Variants in SALL1 observed in about 807,000 individuals in gnomAD.
The protein encoded by SALL1 is spalt like transcription factor 1, also known as sal-like protein 1.
SALL1 carries 10 observed loss-of-function variants against 73.1 expected under a neutral mutation model. The ratio of observed to expected loss-of-function variants is 0.14; its 90% CI spans 0.08 to 0.23. The LOEUF is 0.23. Ranked by LOEUF, SALL1 falls within the 10% of genes least tolerant of loss-of-function variation. The pLI is 1.00. For missense variants in SALL1, 1,520 were observed against 1,697.3 expected (o/e 0.90, Z 1.84); for synonymous variants, 688 against 689.8 (o/e 1.00, Z 0.04).
intron 1 of SALL1, chr16:51,143,330 A>G: frequency 2.3e-6 from 1 of 430,930 alleles, no homozygotes; most frequent in Non-Finnish European, 4.7e-6. Flanking sequence ...ATTCAAAGAC[A>G]GGATGGCTTC....
At chr16:51,143,245 G>T in intron 1 of SALL1, 1 of 284,922 alleles carries the variant, frequency 3.5e-6, no homozygotes, top group Non-Finnish European at 7.3e-6. Flanking sequence ...GTTTCCATTG[G>T]TTGCTCAGAT....
Position 51,137,025 on chromosome 16 carries a change from G to A in SALL1, c.*87C>T, listed in dbSNP as rs572758476. ...GATCTGGGGAACAGAAGGAAGGGGC[G>A]GGGCGGGGTGGGGGGCAAGGAGTAG... On this transcript the variant is annotated 3_prime_UTR_variant, in exon 3 of 3. Transcript: ENST00000251020. 116 of 1,169,404 alleles carry A rather than the reference G, an allele frequency of 9.9e-5. No individual in the cohort carries two copies. The highest frequency in any genetic ancestry group is 9.1e-4 in the South Asian group (70 of 76,892). The allele number at this position is 1,169,404 out of a possible 1,614,324, so 72.4% of individuals were successfully genotyped here.
Position 51,136,190 on chromosome 16 carries a change from A to C in SALL1, c.*922T>G, listed in dbSNP as rs184690178. 3.5e-4 allele frequency: 54 copies of C among 152,758 alleles called. No homozygotes were observed. In the East Asian group the frequency reaches 5.8e-3, roughly 16 times the overall value. 9.5% of individuals were successfully genotyped at this position (152,758 alleles called of 1,614,324 possible). ...TATACCTGCTCTCTTGATCAAGAAG[A>C]AGCATTTGCTCTTGTAAGGAACATA... On this transcript the variant is annotated 3_prime_UTR_variant, in exon 3 of 3. Coordinates refer to ENST00000251020, the MANE Select transcript of SALL1 (RefSeq NM_002968.3).
intron 1 of SALL1, among the ~76,000 whole-genome samples, chr16:51,145,139 T>C (rs1041369497): frequency 6.6e-6 from 1 of 151,012 alleles, no homozygotes; most frequent in African/African-American, 2.4e-5. Context: ...AGTTGGACTC[T>C]TTACCAAAGG....
At chr16:51,151,851 G>C (rs564589083), upstream of SALL1, among the ~76,000 whole-genome samples, 1 of 151,202 alleles carries the variant, frequency 6.6e-6, no homozygotes, top group Admixed American at 6.6e-5. Context: ...CTGGGGACCC[G>C]GGCTGCCGGC....
intron 1 of SALL1, chr16:51,150,932 G>A: frequency 2.5e-6 from 1 of 403,088 alleles, no homozygotes; most frequent in South Asian, 8.4e-5. Context: ...CAACAACTCC[G>A]GAAAGATCCT....
rs745948182 is a variant in SALL1 at position 51,138,669 on chromosome 16, T to G, written c.3534+19A>C. On this transcript the variant is annotated intron_variant, in intron 2 of 2. Transcript: ENST00000251020. ...GACAGGGTTGATGGAGCAGGTATGGTGCAGAGAGAGCAAGGTACCTTAAGA... is the reference window on the plus strand; with the variant it reads ...GACAGGGTTGATGGAGCAGGTATGGGGCAGAGAGAGCAAGGTACCTTAAGA... 1 of 1,603,568 alleles carries G rather than the reference T, an allele frequency of 6.2e-7. No homozygotes were observed. The highest frequency in any genetic ancestry group is 8.5e-7 in the Non-Finnish European group (1 of 1,174,466).
Position 51,141,786 on chromosome 16 carries a change from T to C in SALL1, c.436A>G (p.Ser146Gly), listed in dbSNP as rs376786894. 6.2e-7 allele frequency: 1 copy of C among 1,612,790 alleles called. No individual in the cohort carries two copies. The highest frequency in any genetic ancestry group is 1.3e-5 in the African/African-American group (1 of 74,736). Residue 146 changes from serine to glycine, a missense_variant, in exon 2 of 3, where the codon AGT becomes GGT. This residue lies in a region of SALL1 where 540 missense variants were observed against 567.5 expected (regional missense o/e 0.95). Transcript: ENST00000251020. The surrounding 1 kb of genome is among the most constrained non-coding windows in gnomAD (Gnocchi z 5.4). Reference protein sequence around the residue: ...GSGTSSGSHSSTAPSSSSSSS... With the variant: ...GSGTSSGSHSGTAPSSSSSSS... ...CTGCTGCTGCTGCTTGGGGCGGTAC[T>C]GCTGTGGCTGCCGCTGGAAGTGCCG... is the stretch of plus-strand genomic sequence containing the variant.
chr16:51,139,622 T>C lies in SALL1; in HGVS notation c.2600A>G (p.Glu867Gly). ...PLEMSSIAALENQMKMINAGL... is the reference protein window; with the variant it reads ...PLEMSSIAALGNQMKMINAGL... ...AGCATTGATCATCTTCATCTGATTT[T>C]CCAAAGCAGCGATGCTCGACATCTC... Residue 867 changes from glutamate (E) to glycine (G), a missense_variant, in exon 2 of 3, where the codon GAA (glutamate) becomes GGA (glycine). By Grantham distance (98) the Glu-to-Gly change is moderately conservative. Transcript: ENST00000251020. The C allele has an allele frequency of 6.2e-7, 1 of 1,613,562 alleles. No homozygotes were observed. The highest frequency in any genetic ancestry group is 2.2e-5 in the East Asian group (1 of 44,870).
At chr16:51,144,558 T>C (rs1597233124) in intron 1 of SALL1, among the ~76,000 whole-genome samples, 1 of 152,340 alleles carries the variant, frequency 6.6e-6, no homozygotes, top group East Asian at 1.9e-4. Context: ...TACAATGTAG[T>C]TGCTTCAAAT....
intron 1 of SALL1, among the ~76,000 whole-genome samples, chr16:51,148,487 A>G (rs1962549527): frequency 6.6e-6 from 1 of 152,252 alleles, no homozygotes; most frequent in Non-Finnish European, 1.5e-5. Flanking sequence ...AATGTTTGAA[A>G]AGGGGCTTGC....
In SALL1 at chr16:51,139,134, T is replaced by A; in HGVS notation, c.3088A>T (p.Ile1030Phe). 2 of 1,614,222 alleles carry A rather than the reference T, an allele frequency of 1.2e-6. No homozygotes were observed. Among genetic ancestry groups the A allele is most frequent in the Non-Finnish European group, 1.7e-6 (2 of 1,180,032 alleles). Residue 1030 changes from isoleucine (I) to phenylalanine (F), a missense_variant, in exon 2 of 3, where the codon ATT (isoleucine) becomes TTT (phenylalanine). Physicochemically the swap from Ile to Phe is conservative, Grantham distance 21 (BLOSUM62 0). Around this residue, in one of 7 missense-constraint regions of SALL1, gnomAD observed 22 missense variants for 52.0 expected, o/e 0.42. Coordinates refer to ENST00000251020, the MANE Select transcript of SALL1 (RefSeq NM_002968.3). ...AAGCCACGATTGCAAACTGTGCAAA[T>A]AAATGGTCTCTCTTTGGTATGACTT... ...YRSHTKERPF[I>F]CTVCNRGFST...
chr16:51,141,010 G>A lies in SALL1; in HGVS notation c.1212C>T (p.Ser404=), dbSNP rs775269148. Residue 404 remains serine, a synonymous_variant, in exon 2 of 3, where the codon AGC becomes AGT. Coordinates refer to ENST00000251020, the MANE Select transcript of SALL1 (RefSeq NM_002968.3). This position sits in a 1 kb window ranked among gnomAD's most constrained non-coding sequence, Gnocchi z 5.4. ...CAGTTGTTCCGATGTTGGGCAAAGG[G>A]CTGGGGAAAACCGAGTTAGCGGAGG... ...QQASANSVFP[S]PLPNIGTTAE... The A allele has an allele frequency of 1.2e-6, 2 of 1,614,228 alleles. No homozygotes were observed. Among genetic ancestry groups the A allele is most frequent in the Admixed American group, 3.3e-5 (2 of 60,028 alleles).
chr16:51,150,594 A>G, intron 1 of SALL1: 1 of 985,872 alleles, frequency 1.0e-6, no homozygotes, highest in Non-Finnish European at 1.2e-6. Context: ...CTGAACCTCC[A>G]AAGACACCCG....
intron 1 of SALL1, 182 bp downstream of exon 1, chr16:51,150,984 G>A (rs931661401): frequency 2.3e-6 from 1 of 426,326 alleles, no homozygotes; most frequent in African/African-American, 2.0e-5. Context: ...GCGGGGGAAA[G>A]CCCAGCAAAG....
At chr16:51,147,384 GACAAACTTAAA>G (rs2143467724) in intron 1 of SALL1, among the ~76,000 whole-genome samples, 1 of 152,124 alleles carries the variant, frequency 6.6e-6, no homozygotes, top group African/African-American at 2.4e-5. Flanking sequence ...CTTCCATTAT[GACAAACTTAAA>G]ACAGCTCTGA....
Position 51,136,442 on chromosome 16 carries a change from C to T in SALL1, c.*670G>A, listed in dbSNP as rs1431535388. 1 of 152,544 alleles carries T rather than the reference C, an allele frequency of 6.6e-6. No individual in the cohort carries two copies. The highest frequency in any genetic ancestry group is 2.4e-5 in the African/African-American group (1 of 41,370). The allele number at this position is 152,544 out of a possible 1,614,324, so 9.4% of individuals were successfully genotyped here. A position where few individuals can be genotyped will look rare whatever the true frequency, so the allele number is the denominator to read the frequency against. On this transcript the variant is annotated 3_prime_UTR_variant, in exon 3 of 3. Transcript: ENST00000251020. ...AGAATTCTGCGTGCTTATTACTGTA[C>T]AGAAACTTATTAACATTGAAGACGA...
At chr16:51,150,427 T>C in intron 1 of SALL1, 3 of 985,462 alleles carry the variant, frequency 3.0e-6, no homozygotes, top group Non-Finnish European at 3.6e-6. Flanking sequence ...TGGGAAGAGA[T>C]GCGGAGATAA....
chr16:51,149,635 A>C (rs1417976194), intron 1 of SALL1: 1 of 152,098 alleles, frequency 6.6e-6, no homozygotes, highest in Non-Finnish European at 1.5e-5. Context: ...GAGGAGGGCT[A>C]TTGTAAAGCA....
Sources: gnomAD v4.1 joint callset for allele counts (sites outside exome capture counted in the v4.1 genomes callset) on GRCh38, gnomAD v4.1.1 for gene constraint, gnomAD v4.1.1 regional missense constraint, Gnocchi (gnomAD v3.1) non-coding constraint, MANE v1.5 for transcripts, NCBI Gene and HGNC (gene_info 2026-07-23, HGNC 2026-07-21) for gene names.